The following SH3PXD2B variants were observed in gnomAD, a reference collection of about 807,000 sequenced individuals.
SH3PXD2B encodes the protein SH3 and PX domains 2B.
SH3PXD2B carries 37 observed loss-of-function variants against 73.1 expected under a neutral mutation model. The observed-to-expected ratio is 0.51, with a 90% CI of 0.39 to 0.67. The LOEUF (loss-of-function observed/expected upper bound fraction) is 0.67. SH3PXD2B is among the 30% of genes least tolerant of loss of function. SH3PXD2B has a pLI of 0.00. For missense variants in SH3PXD2B, 1,053 were observed against 1,197.8 expected (o/e 0.88, Z 1.78); for synonymous variants, 457 against 480.5 (o/e 0.95, Z 0.64).
chr5:172,401,072 T>C (rs1401827112), intron 3 of SH3PXD2B, among the ~76,000 whole-genome samples: 9 of 152,240 alleles, frequency 5.9e-5, no homozygotes, highest in Non-Finnish European at 7.3e-5. Flanking sequence ...GGCAAGCCAA[T>C]TCCACCCAAA....
chr5:172,374,165 T>C (rs1581286063), intron 5 of SH3PXD2B, among the ~76,000 whole-genome samples: 1 of 152,100 alleles, frequency 6.6e-6, no homozygotes, highest in South Asian at 2.1e-4. Context: ...ACAGCAGAGG[T>C]CCCTGCCCCA....
Position 172,439,279 on chromosome 5 carries a change from AAC to A in SH3PXD2B, c.75+14997_75+14998del, listed in dbSNP as rs1404666233. Among the ~76,000 whole-genome samples the A allele has an allele frequency of 1.6e-3, 90 of 57,154 alleles. 3 individuals are homozygous for A. Among genetic ancestry groups the A allele is most frequent in the African/African-American group, 5.5e-3 (79 of 14,372 alleles). 37.5% of individuals were successfully genotyped at this position (57,154 alleles called of 152,430 possible). A position where few individuals can be genotyped will look rare whatever the true frequency, so the allele number is the denominator to read the frequency against. ...AAAAAAAAAACAAAAACAAAAACAAAACAAAAAAAAAACCCCAAAAAAAAACC... is the reference window on the plus strand; with the variant it reads ...AAAAAAAAAACAAAAACAAAAACAAAAAAAAAAAAACCCCAAAAAAAAACC... On this transcript the variant is annotated intron_variant, in intron 1 of 12. Coordinates refer to ENST00000311601, the MANE Select transcript of SH3PXD2B (RefSeq NM_001017995.3).
intron 3 of SH3PXD2B, among the ~76,000 whole-genome samples, chr5:172,399,935 G>A (rs1156553605): frequency 1.3e-5 from 2 of 152,146 alleles, no homozygotes; most frequent in East Asian, 3.8e-4. Context: ...GATAGTGTGT[G>A]GATGCCTGGA....
At chr5:172,329,057 G>A (rs868464465), downstream of SH3PXD2B, among the ~76,000 whole-genome samples, 88 of 105,070 alleles carry the variant, frequency 8.4e-4, no homozygotes, top group Non-Finnish European at 1.2e-3. Context: ...GTGTGTGTGT[G>A]TGTATATATA....
At chr5:172,444,010 G>T (rs1759606106) in intron 1 of SH3PXD2B, among the ~76,000 whole-genome samples, 1 of 152,156 alleles carries the variant, frequency 6.6e-6, no homozygotes, top group Non-Finnish European at 1.5e-5. Flanking sequence ...CATCCATGTA[G>T]CAGACATGTA....
intron 11 of SH3PXD2B, 146 bp downstream of exon 11, chr5:172,347,137 G>C: frequency 2.5e-6 from 2 of 808,436 alleles, no homozygotes; most frequent in African/African-American, 3.4e-5. Flanking sequence ...AGTGGGACTA[G>C]CATTTCTACA....
Position 172,339,618 on chromosome 5 carries a change from C to T in SH3PXD2B, c.1487G>A (p.Arg496Lys). 1 of 1,614,238 alleles carries T rather than the reference C, an allele frequency of 6.2e-7. No individual in the cohort carries two copies. The highest frequency in any genetic ancestry group is 1.6e-4 in the Middle Eastern group (1 of 6,062). Reference sequence around the variant, plus strand: ...CGCAGACATGTCTGAAGATGCCTTCCTCAGGACATCCTTACTGCCCTTCCA... The same window carrying T: ...CGCAGACATGTCTGAAGATGCCTTCTTCAGGACATCCTTACTGCCCTTCCA... ...KDWKGSKDVL[R>K]KASSDMSASA... The change falls in exon 13 of 13, where the codon AGG becomes AAG. Residue 496 changes from arginine (R) to lysine (K), a missense_variant. Coordinates refer to ENST00000311601, the MANE Select transcript of SH3PXD2B (RefSeq NM_001017995.3). This position sits in a 1 kb window ranked among gnomAD's most constrained non-coding sequence, Gnocchi z 6.1.
intron 3 of SH3PXD2B, among the ~76,000 whole-genome samples, chr5:172,396,693 T>A (rs1400904150): frequency 6.7e-6 from 1 of 149,130 alleles, no homozygotes; most frequent in Non-Finnish European, 1.5e-5. Context: ...ACGCCTGTAA[T>A]CCCCACATTT....
intron 12 of SH3PXD2B, 98 bp downstream of exon 12, chr5:172,346,038 C>T: frequency 6.3e-7 from 1 of 1,586,820 alleles, no homozygotes; most frequent in South Asian, 1.1e-5. Context: ...GCCCCACCTC[C>T]ACCCACCCAG....
At position 172,393,182 on chromosome 5, in the gene SH3PXD2B, T is replaced by C. The variant is rs1036152046; in HGVS notation, c.309+1381A>G. Among the ~76,000 whole-genome samples, 13 of 152,214 alleles carry C rather than the reference T, an allele frequency of 8.5e-5. No individual in the cohort carries two copies. The South Asian group carries it at 2.3e-3, about 27-fold the overall frequency. On this transcript the variant is annotated intron_variant, in intron 4 of 12. Transcript: ENST00000311601. ...GGAGTTCCATTTTAACAATATTGAG[T>C]CTTCCAATCCACAAGTATGGAATAT...
intron 3 of SH3PXD2B, 148 bp downstream of exon 3, chr5:172,406,129 T>C (rs759840424): frequency 2.1e-6 from 2 of 943,774 alleles, no homozygotes; most frequent in Non-Finnish European, 3.2e-6. Flanking sequence ...CCGGCATAAA[T>C]GGGTTAATTT....
chr5:172,415,292 A>G (rs1289284477), intron 2 of SH3PXD2B, among the ~76,000 whole-genome samples: 1 of 152,194 alleles, frequency 6.6e-6, no homozygotes, highest in East Asian at 1.9e-4. Context: ...TGTTTTGGTC[A>G]GAACTGCCCT....
At chr5:172,425,564 C>T (rs76025209) in intron 1 of SH3PXD2B, among the ~76,000 whole-genome samples, 2,754 of 152,122 alleles carry the variant, frequency 0.018, 99 homozygotes, top group African/African-American at 0.063. Flanking sequence ...GGAAAATGCT[C>T]GCCTGTGTGA....
chr5:172,450,004 A>G (rs899072432), intron 1 of SH3PXD2B, among the ~76,000 whole-genome samples: 1 of 152,224 alleles, frequency 6.6e-6, no homozygotes, highest in African/African-American at 2.4e-5. Context: ...ACAAGATTTT[A>G]GGGAATGTTA....
intron 4 of SH3PXD2B, among the ~76,000 whole-genome samples, chr5:172,393,506 A>G (rs1758233258): frequency 6.6e-6 from 1 of 152,170 alleles, no homozygotes; most frequent in African/African-American, 2.4e-5. Context: ...GTCAAGAGTC[A>G]ATACTCTTTC....
chr5:172,343,399 T>C (rs1209997787), intron 12 of SH3PXD2B, among the ~76,000 whole-genome samples: 2 of 152,210 alleles, frequency 1.3e-5, no homozygotes, highest in Admixed American at 6.5e-5. Context: ...CTTACACTCT[T>C]TGCAAAGTAT....
chr5:172,452,577 T>C (rs1271361290), intron 1 of SH3PXD2B, among the ~76,000 whole-genome samples: 1 of 152,146 alleles, frequency 6.6e-6, no homozygotes, highest in African/African-American at 2.4e-5. Context: ...ATCTGTCAAA[T>C]GGGCTTAAGG....
rs779200934 is a variant in SH3PXD2B at position 172,350,540 on chromosome 5, T to C, written c.835A>G (p.Ser279Gly). The C allele has an allele frequency of 6.2e-7, 1 of 1,613,810 alleles. No individual in the cohort carries two copies. ...WAPASYLKKN[S>G]GEPLPPKPGP... ...GGCTTCGGGGGCAAGGGCTCCCCACTGTTCTTCTTTAGGTAGGAGGCGGGG... is the reference window on the plus strand; with the variant it reads ...GGCTTCGGGGGCAAGGGCTCCCCACCGTTCTTCTTTAGGTAGGAGGCGGGG... The change falls in exon 10 of 13, where the codon AGT becomes GGT. Residue 279 changes from serine to glycine, a missense_variant. This residue lies in a region of SH3PXD2B where 466 missense variants were observed against 607.1 expected (regional missense o/e 0.77). Coordinates refer to ENST00000311601, the MANE Select transcript of SH3PXD2B (RefSeq NM_001017995.3).
intron 1 of SH3PXD2B, among the ~76,000 whole-genome samples, chr5:172,436,683 G>T (rs538371160): frequency 6.6e-6 from 1 of 152,336 alleles, no homozygotes; most frequent in East Asian, 1.9e-4. Context: ...GAGATGAAGG[G>T]AGCAAATATG....
Sources: gnomAD v4.1 joint callset for allele counts (sites outside exome capture counted in the v4.1 genomes callset) on GRCh38, gnomAD v4.1.1 for gene constraint, gnomAD v4.1.1 regional missense constraint, Gnocchi (gnomAD v3.1) non-coding constraint, MANE v1.5 for transcripts, NCBI Gene and HGNC (gene_info 2026-07-23, HGNC 2026-07-21) for gene names.